TRDN: variants seen among roughly 807,000 people sequenced by gnomAD.
TRDN encodes the protein triadin in skeletal muscle.
TRDN carries 161 observed loss-of-function variants against 149.7 expected under a neutral mutation model. The observed-to-expected ratio is 1.08, with a 90% CI of 0.95 to 1.23. TRDN has a LOEUF of 1.23. Among genes scored for constraint, TRDN ranks in the 50% most tolerant of loss-of-function variants. The pLI, the probability that TRDN is intolerant of heterozygous loss-of-function variation, is 0.00. For missense variants in TRDN, 896 were observed against 823.5 expected, an observed-to-expected ratio of 1.09 and a Z score of -1.08; for synonymous variants, 294 against 250.5, an observed-to-expected ratio of 1.17 and a Z score of -1.64.
At chr6:123,326,282 C>A (rs748098083) in intron 23 of TRDN, among the ~76,000 whole-genome samples, 36 of 152,056 alleles carry the variant, frequency 2.4e-4, no homozygotes, top group Non-Finnish European at 2.5e-4. Context: ...AGCCAGCTTC[C>A]AGCTCTAGAT....
intron 7 of TRDN, 133 bp downstream of exon 7, chr6:123,512,170 T>C (rs1779214643): frequency 3.8e-6 from 2 of 528,078 alleles, no homozygotes; most frequent in East Asian, 6.2e-5. Context: ...ATATTAAATT[T>C]TAAAGGTAAG....
rs541819658 is a variant in TRDN, at chr6:123,443,841, G to A, written c.932-4838C>T. ...GATCAGATAGTTATAGATATGCGGC[G>A]TTATTTCTGAGGGCTCTGTTCTGTT... On this transcript the variant is annotated intron_variant, in intron 10 of 40. Transcript: ENST00000334268. Among the ~76,000 whole-genome samples, 258 of 150,352 alleles carry A rather than the reference G, an allele frequency of 1.7e-3. 3 individuals are homozygous for A. Among genetic ancestry groups the A allele is most frequent in the African/African-American group, 6.0e-3 (241 of 40,172 alleles).
intron 34 of TRDN, among the ~76,000 whole-genome samples, chr6:123,260,091 G>C (rs1582789686): frequency 1.3e-5 from 2 of 151,696 alleles, no homozygotes; most frequent in Admixed American, 1.3e-4. Context: ...GCATGACCCT[G>C]CTACCCACTT....
chr6:123,586,510 T>C lies in TRDN; in HGVS notation c.23-15378A>G, dbSNP rs141582911. Among the ~76,000 whole-genome samples, 157 of 152,248 alleles carry C rather than the reference T, an allele frequency of 1.0e-3. 4 individuals are homozygous for C. The highest frequency in any genetic ancestry group is 3.1e-3 in the African/African-American group (128 of 41,548). On this transcript the variant is annotated intron_variant, in intron 1 of 40. Coordinates refer to ENST00000334268, the MANE Select transcript of TRDN (RefSeq NM_006073.4). ...ACTGATGTGTAAAAGAATGCCTGGA[T>C]GTCAGGCACCTCAGACCATTTGCCC...
intron 12 of TRDN, among the ~76,000 whole-genome samples, chr6:123,422,313 C>T (rs1397539354): frequency 1.3e-5 from 2 of 152,068 alleles, no homozygotes; most frequent in African/African-American, 4.8e-5. Flanking sequence ...ATTTTGAGTT[C>T]AGCATGTTTT....
chr6:123,543,985 A>G (rs1385815643), intron 4 of TRDN, among the ~76,000 whole-genome samples: 1 of 152,048 alleles, frequency 6.6e-6, no homozygotes, highest in African/African-American at 2.4e-5. Context: ...CTGTGATTTC[A>G]CATCCTGTAA....
At chr6:123,252,574 T>A (rs1776412394) in intron 37 of TRDN, 139 bp from the exon 38 acceptor site, 2 of 476,254 alleles carry the variant, frequency 4.2e-6, no homozygotes, top group Non-Finnish European at 3.8e-6. Flanking sequence ...TACAGTCATC[T>A]GTTGCCTGTC....
At chr6:123,494,794 C>G (rs532015518) in intron 9 of TRDN, among the ~76,000 whole-genome samples, 1 of 151,856 alleles carries the variant, frequency 6.6e-6, no homozygotes, top group Non-Finnish European at 1.5e-5. Flanking sequence ...AGTACAGTGG[C>G]GAGATCTCGG....
chr6:123,614,019 C>T (rs1015684598), intron 1 of TRDN, among the ~76,000 whole-genome samples: 3 of 151,894 alleles, frequency 2.0e-5, no homozygotes, highest in Non-Finnish European at 2.9e-5. Context: ...TTCTAGTCAC[C>T]CTTTAAGATG....
intron 24 of TRDN, among the ~76,000 whole-genome samples, chr6:123,294,725 T>A (rs1332332330): frequency 6.6e-6 from 1 of 152,030 alleles, no homozygotes; most frequent in Non-Finnish European, 1.5e-5. Flanking sequence ...CTAATAACAG[T>A]CAATGGCCTG....
At chr6:123,228,106 C>T (rs1243107187) in intron 38 of TRDN, among the ~76,000 whole-genome samples, 1 of 151,658 alleles carries the variant, frequency 6.6e-6, no homozygotes, top group Non-Finnish European at 1.5e-5. Context: ...CTGCTATGTG[C>T]CAGCCACTGT....
intron 38 of TRDN, among the ~76,000 whole-genome samples, chr6:123,240,672 T>C (rs1257837293): frequency 6.6e-6 from 1 of 151,942 alleles, no homozygotes; most frequent in Non-Finnish European, 1.5e-5. Context: ...AAACTCATTT[T>C]GTAAAGTTAA....
intron 35 of TRDN, among the ~76,000 whole-genome samples, chr6:123,256,138 G>T (rs1205104961): frequency 6.6e-6 from 1 of 151,940 alleles, no homozygotes; most frequent in Non-Finnish European, 1.5e-5. Flanking sequence ...CCATCCCTGT[G>T]CCCATGTGTT....
chr6:123,607,913 T>C (rs1371384469), intron 1 of TRDN, among the ~76,000 whole-genome samples: 1 of 151,458 alleles, frequency 6.6e-6, no homozygotes, highest in Non-Finnish European at 1.5e-5. Flanking sequence ...GGTCTTGAAC[T>C]CTTGGCCTCA....
chr6:123,381,234 TGGA>T, intron 16 of TRDN, 133 bp downstream of exon 16: 1 of 780,926 alleles, frequency 1.3e-6, no homozygotes, highest in South Asian at 1.9e-5. Flanking sequence ...TTTTTTCACT[TGGA>T]CAAAAAACAA....
At chr6:123,484,143 G>C (rs555106983) in intron 9 of TRDN, among the ~76,000 whole-genome samples, 1 of 151,208 alleles carries the variant, frequency 6.6e-6, no homozygotes, top group East Asian at 2.0e-4. Context: ...AGCATCCTCT[G>C]CAGAAAAAAA....
At chr6:123,221,778 T>G (rs184553789) in intron 39 of TRDN, among the ~76,000 whole-genome samples, 2 of 151,708 alleles carry the variant, frequency 1.3e-5, no homozygotes, top group Non-Finnish European at 2.9e-5. Flanking sequence ...ATAGGAAAAC[T>G]GGCCCTGATG....
At position 123,585,504 on chromosome 6, in the gene TRDN, G is replaced by A. The variant is rs1205551646; in HGVS notation, c.23-14372C>T. ...TCACTGTTAGAGTTACCCGAAGCTCGGCATCCATGATGGTCTAGGGGGCTT... is the reference window on the plus strand; with the variant it reads ...TCACTGTTAGAGTTACCCGAAGCTCAGCATCCATGATGGTCTAGGGGGCTT... On this transcript the variant is annotated intron_variant, in intron 1 of 40. Coordinates refer to ENST00000334268, the MANE Select transcript of TRDN (RefSeq NM_006073.4). Among the ~76,000 whole-genome samples the A allele has an allele frequency of 9.2e-5, 14 of 152,146 alleles. 1 individual carries two copies. Among genetic ancestry groups the A allele is most frequent in the South Asian group, 6.2e-4 (3 of 4,816 alleles).
intron 6 of TRDN, among the ~76,000 whole-genome samples, chr6:123,513,698 C>CAAGAAAT (rs1779283025): frequency 6.6e-6 from 1 of 152,074 alleles, no homozygotes; most frequent in Non-Finnish European, 1.5e-5. Context: ...AATTATTTAA[C>CAAGAAAT]TGAAATTTTC....
Sources: allele counts gnomAD v4.1 joint callset (sites outside exome capture counted in the v4.1 genomes callset), GRCh38; gene constraint gnomAD v4.1.1; transcripts MANE v1.5; gene names NCBI Gene and HGNC (gene_info 2026-07-23, HGNC 2026-07-21).